WWOX: variants seen among roughly 807,000 people sequenced by gnomAD.
The protein encoded by WWOX is WW domain-containing oxidoreductase.
In WWOX, 69 loss-of-function variants were observed where a neutral mutation model predicts 46.2. That is an observed-to-expected ratio of 1.49 (90% CI 1.23 to 1.82). The LOEUF (loss-of-function observed/expected upper bound fraction) is 1.82. WWOX is among the 40% of genes most tolerant of loss of function. The probability of loss-of-function intolerance (pLI) is 0.00; values close to 1 mark genes in which losing one functional copy is unlikely to be tolerated. For missense variants in WWOX, 919 were observed against 542.6 expected, an observed-to-expected ratio of 1.69 and a Z score of -6.89; for synonymous variants, 359 against 202.6, an observed-to-expected ratio of 1.77 and a Z score of -6.56.
chr16:78,779,554 T>C (rs1298141185), intron 8 of WWOX, among the ~76,000 whole-genome samples: 1 of 152,196 alleles, frequency 6.6e-6, no homozygotes, highest in Non-Finnish European at 1.5e-5. Flanking sequence ...GCTCAGCTCT[T>C]TGTACAGATT....
intron 1 of WWOX, among the ~76,000 whole-genome samples, chr16:78,103,566 C>G (rs36098342): frequency 0.23 from 34,196 of 151,950 alleles, 4,690 homozygotes; most frequent in Non-Finnish European, 0.31. Context: ...TCCATCCTAA[C>G]CCGACATTCC....
At chr16:78,430,872 C>G (rs963097745) in intron 7 of WWOX, among the ~76,000 whole-genome samples, 1 of 152,130 alleles carries the variant, frequency 6.6e-6, no homozygotes, top group African/African-American at 2.4e-5. Flanking sequence ...CCTTGCCATG[C>G]TTTTCTTGGT....
chr16:78,184,801 A>AATCG (rs2035644761), intron 5 of WWOX, among the ~76,000 whole-genome samples: 2 of 152,240 alleles, frequency 1.3e-5, no homozygotes, highest in South Asian at 4.1e-4. Flanking sequence ...TCTGGGAAAG[A>AATCG]ATCGTTGATG....
rs537962973 is a variant in WWOX, at chr16:78,709,440, TCA to T, written c.1056+276689_1056+276690del. Reference sequence around the variant, plus strand: ...GCCTGTTGCAAGTAATCGGGCTCTGTCAGATCAGCCTTGGTGAGATTGGGATA... The same window carrying T: ...GCCTGTTGCAAGTAATCGGGCTCTGTGATCAGCCTTGGTGAGATTGGGATA... On this transcript the variant is annotated intron_variant, in intron 8 of 8. Transcript: ENST00000566780. 7.8e-3 allele frequency among the ~76,000 whole-genome samples: 1,182 copies of T among 152,276 alleles called. 14 individuals are homozygous for T. Among genetic ancestry groups the T allele is most frequent in the African/African-American group, 0.026 (1,076 of 41,574 alleles).
chr16:78,869,812 A>C (rs1371855109), intron 8 of WWOX, among the ~76,000 whole-genome samples: 3 of 152,250 alleles, frequency 2.0e-5, no homozygotes, highest in Non-Finnish European at 2.9e-5. Context: ...GAGAAGACTC[A>C]GCATTTGCTT....
intron 5 of WWOX, among the ~76,000 whole-genome samples, chr16:78,203,006 A>G (rs933062428): frequency 5.3e-5 from 8 of 152,174 alleles, no homozygotes; most frequent in African/African-American, 1.7e-4. Flanking sequence ...CAACTATGGA[A>G]GTAAAGGGAA....
intron 4 of WWOX, among the ~76,000 whole-genome samples, chr16:78,137,816 T>G (rs2033852883): frequency 7.3e-6 from 1 of 136,944 alleles, no homozygotes; most frequent in Non-Finnish European, 1.7e-5. Flanking sequence ...TTTGCAAAGC[T>G]ATGGCTCTAT....
intron 8 of WWOX, among the ~76,000 whole-genome samples, chr16:78,673,358 T>C (rs563420125): frequency 2.6e-5 from 4 of 152,200 alleles, no homozygotes; most frequent in Non-Finnish European, 5.9e-5. Flanking sequence ...TAGGAAACTC[T>C]TCGCCTCTCT....
intron 5 of WWOX, among the ~76,000 whole-genome samples, chr16:78,211,238 G>C (rs187399331): frequency 1.3e-5 from 2 of 152,190 alleles, no homozygotes; most frequent in Non-Finnish European, 2.9e-5. Context: ...TACTTCTCAA[G>C]AAGGCGATGG....
intron 5 of WWOX, among the ~76,000 whole-genome samples, chr16:78,212,154 C>T (rs1348287835): frequency 6.6e-6 from 1 of 152,184 alleles, no homozygotes; most frequent in African/African-American, 2.4e-5. Context: ...CACCTGGCCT[C>T]AGCTGTAGAG....
chr16:78,965,418 A>G (rs1489168917), intron 8 of WWOX, among the ~76,000 whole-genome samples: 1 of 152,050 alleles, frequency 6.6e-6, no homozygotes, highest in Non-Finnish European at 1.5e-5. Context: ...TAAATACAAA[A>G]AATTAGCTGG....
chr16:79,208,547 T>C (rs407083), intron 8 of WWOX, among the ~76,000 whole-genome samples: 71,155 of 152,022 alleles, frequency 0.47, 17,733 homozygotes, highest in Non-Finnish European at 0.57. Context: ...TAGATGGCTC[T>C]TTCATCTTTT....
intron 5 of WWOX, among the ~76,000 whole-genome samples, chr16:78,240,754 C>T (rs2037616904): frequency 6.6e-6 from 1 of 152,150 alleles, no homozygotes; most frequent in South Asian, 2.1e-4. Context: ...CAAGAACCTG[C>T]GAGGGCCAGG....
At chr16:78,674,716 G>C (rs2047550453) in intron 8 of WWOX, among the ~76,000 whole-genome samples, 1 of 152,106 alleles carries the variant, frequency 6.6e-6, no homozygotes, top group Non-Finnish European at 1.5e-5. Flanking sequence ...AAATAAACAA[G>C]AACAAATGGA....
intron 8 of WWOX, among the ~76,000 whole-genome samples, chr16:78,929,872 A>G (rs1427974369): frequency 6.6e-6 from 1 of 152,260 alleles, no homozygotes. Context: ...CTTTTTACCC[A>G]GTATCTAGCC....
chr16:78,164,338 CG>C, intron 5 of WWOX, 49 bp downstream of exon 5: 1 of 1,537,828 alleles, frequency 6.5e-7, no homozygotes, highest in Non-Finnish European at 8.9e-7. Context: ...ATACACATGC[CG>C]GGCTAACCAT....
intron 8 of WWOX, chr16:79,101,255 A>G (rs751907244): frequency 1.3e-5 from 2 of 152,206 alleles, no homozygotes; most frequent in Non-Finnish European, 2.9e-5. Context: ...AGCTTGTATG[A>G]CAGTGGAATG....
intron 5 of WWOX, among the ~76,000 whole-genome samples, chr16:78,181,850 G>C (rs538175335): frequency 6.6e-6 from 1 of 152,180 alleles, no homozygotes; most frequent in South Asian, 2.1e-4. Context: ...ATATATTTTA[G>C]ATGTATAAGT....
chr16:78,573,871 A>G (rs2044780884), intron 8 of WWOX, among the ~76,000 whole-genome samples: 1 of 152,176 alleles, frequency 6.6e-6, no homozygotes, highest in Non-Finnish European at 1.5e-5. Flanking sequence ...AAAACAGCAC[A>G]CATTTATTAT....
Sources: gnomAD v4.1 joint callset for allele counts (sites outside exome capture counted in the v4.1 genomes callset) on GRCh38, gnomAD v4.1.1 for gene constraint, MANE v1.5 for transcripts, NCBI Gene and HGNC (gene_info 2026-07-23, HGNC 2026-07-21) for gene names.